ARHGEF3: variants seen among roughly 807,000 people sequenced by gnomAD.
The protein encoded by ARHGEF3 is Rho guanine nucleotide exchange factor 3.
ARHGEF3 carries 28 observed loss-of-function variants against 63.2 expected under a neutral mutation model. That is an observed-to-expected ratio of 0.44 (90% CI 0.33 to 0.61). The LOEUF is 0.61. ARHGEF3 is among the 20% of genes least tolerant of loss of function. ARHGEF3 has a pLI of 0.03. For synonymous variants in ARHGEF3, 266 were observed against 254.2 expected, an observed-to-expected ratio of 1.05 and a Z score of -0.44; for missense variants, 533 against 659.3, an observed-to-expected ratio of 0.81 and a Z score of 2.10.
At chr3:56,787,675 C>T (rs2036888616) in intron 1 of ARHGEF3, among the ~76,000 whole-genome samples, 1 of 152,008 alleles carries the variant, frequency 6.6e-6, no homozygotes, top group South Asian at 2.1e-4. Flanking sequence ...AAAACTTTCC[C>T]CGCCACCCCG....
At chr3:56,735,457 C>T (rs2033547405) in intron 8 of ARHGEF3, among the ~76,000 whole-genome samples, 1 of 152,072 alleles carries the variant, frequency 6.6e-6, no homozygotes, top group South Asian at 2.1e-4. Flanking sequence ...ACCCACAAGC[C>T]TCCCACCCCA....
intron 4 of ARHGEF3, among the ~76,000 whole-genome samples, chr3:56,880,646 T>TA (rs775662962): frequency 9.2e-5 from 14 of 152,194 alleles, no homozygotes; most frequent in Non-Finnish European, 1.6e-4. Flanking sequence ...GGGACTGGAA[T>TA]ACATACATGG....
At chr3:56,888,843 C>T (rs1417183672) in intron 3 of ARHGEF3, among the ~76,000 whole-genome samples, 1 of 151,636 alleles carries the variant, frequency 6.6e-6, no homozygotes, top group Non-Finnish European at 1.5e-5. Context: ...ACGGAGGTTG[C>T]GGTGAGCCGA....
chr3:56,795,655 C>CTCTCTTTTTTTT (rs57400467), intron 1 of ARHGEF3, among the ~76,000 whole-genome samples: 7 of 130,566 alleles, frequency 5.4e-5, no homozygotes, highest in East Asian at 5.3e-4. Context: ...GTCTCTCTCT[C>CTCTCTTTTTTTT]TTTTTTTTTT....
intron 4 of ARHGEF3, among the ~76,000 whole-genome samples, chr3:56,808,449 G>T (rs138873634): frequency 6.8e-4 from 104 of 152,206 alleles, no homozygotes; most frequent in African/African-American, 2.2e-3. Flanking sequence ...AAGTAGCTGG[G>T]CGTAGTAGCA....
At chr3:57,016,741 A>G (rs1311477039) in intron 2 of ARHGEF3, among the ~76,000 whole-genome samples, 4 of 152,156 alleles carry the variant, frequency 2.6e-5, no homozygotes, top group Non-Finnish European at 5.9e-5. Flanking sequence ...GTTGGTGCAC[A>G]GTGTCCTTCA....
chr3:56,825,518 T>C (rs535227201), intron 4 of ARHGEF3, among the ~76,000 whole-genome samples: 1 of 150,946 alleles, frequency 6.6e-6, no homozygotes, highest in Admixed American at 6.8e-5. Flanking sequence ...TCTGACAAAT[T>C]CCATTTAGGA....
At chr3:56,737,162 G>C (rs778615090) in intron 8 of ARHGEF3, 23 bp downstream of exon 8, 1 of 1,603,640 alleles carries the variant, frequency 6.2e-7, no homozygotes, top group Non-Finnish European at 8.5e-7. Flanking sequence ...GGATAAGACT[G>C]CTTAAAGGGA....
intron 7 of ARHGEF3, among the ~76,000 whole-genome samples, chr3:56,742,670 G>GA (rs1046698890): frequency 4.7e-5 from 7 of 149,760 alleles, no homozygotes; most frequent in South Asian, 4.2e-4. Flanking sequence ...TCTGTAAAGG[G>GA]AAAAAAAAAA....
rs11306302 is a variant in ARHGEF3 at position 56,795,655 on chromosome 3, C to CTTTTTTTTTTTTTT, written c.96+6047_96+6048insAAAAAAAAAAAAAA. On this transcript the variant is annotated intron_variant, in intron 1 of 9. Transcript: ENST00000296315. ...TTAACTTGTGACACAGTCTCTCTCT[C>CTTTTTTTTTTTTTT]TTTTTTTTTTTTGAAGATGGACTCT... is the stretch of plus-strand genomic sequence containing the variant. Among the ~76,000 whole-genome samples, 382 of 130,514 alleles carry CTTTTTTTTTTTTTT rather than the reference C, an allele frequency of 2.9e-3. 9 individuals carry two copies. Among genetic ancestry groups the CTTTTTTTTTTTTTT allele is most frequent in the Middle Eastern group, 0.017 (4 of 232 alleles). The allele number at this position is 130,514 out of a possible 152,430, so 85.6% of individuals were successfully genotyped here.
At chr3:56,858,121 G>A (rs1023449143) in intron 4 of ARHGEF3, among the ~76,000 whole-genome samples, 1 of 151,952 alleles carries the variant, frequency 6.6e-6, no homozygotes, top group Admixed American at 6.6e-5. Flanking sequence ...GTGCATGTCT[G>A]TAGTCCCGGC....
chr3:56,800,385 G>C (rs1489706714), intron 1 of ARHGEF3, among the ~76,000 whole-genome samples: 1 of 152,190 alleles, frequency 6.6e-6, no homozygotes, highest in African/African-American at 2.4e-5. Flanking sequence ...AATGCCACTA[G>C]GGCCATCACA....
At chr3:56,916,384 C>G (rs771690871) in intron 3 of ARHGEF3, 1 of 1,532,994 alleles carries the variant, frequency 6.5e-7, no homozygotes, top group South Asian at 1.2e-5. Flanking sequence ...CGGCTCCTAA[C>G]TGCAGTGGAG....
intron 4 of ARHGEF3, among the ~76,000 whole-genome samples, chr3:56,832,377 G>A (rs2038960295): frequency 1.3e-5 from 2 of 152,150 alleles, no homozygotes; most frequent in Non-Finnish European, 2.9e-5. Flanking sequence ...TGTGAGGATT[G>A]TAACCAGGAA....
chr3:56,748,201 TA>T (rs895692637), intron 6 of ARHGEF3, among the ~76,000 whole-genome samples: 1 of 152,166 alleles, frequency 6.6e-6, no homozygotes, highest in Non-Finnish European at 1.5e-5. Context: ...TGCCAGCTAA[TA>T]TTTTTTTTGT....
At chr3:56,791,730 GC>G (rs1173597873) in intron 1 of ARHGEF3, among the ~76,000 whole-genome samples, 4 of 151,984 alleles carry the variant, frequency 2.6e-5, no homozygotes, top group Non-Finnish European at 5.9e-5. Flanking sequence ...CAACATTTGG[GC>G]CCTGCCTCCT....
At chr3:56,975,967 T>C (rs1701109356) in intron 2 of ARHGEF3, 1 of 233,272 alleles carries the variant, frequency 4.3e-6, no homozygotes, top group Non-Finnish European at 8.7e-6. Flanking sequence ...GTAATTTCAA[T>C]TTAAAACATT....
At chr3:56,893,116 C>T (rs1332135056) in intron 3 of ARHGEF3, among the ~76,000 whole-genome samples, 1 of 152,206 alleles carries the variant, frequency 6.6e-6, no homozygotes, top group Non-Finnish European at 1.5e-5. Context: ...GCCAAAATTC[C>T]ATTTCTTTAT....
Position 57,013,149 on chromosome 3 carries a change from G to A in ARHGEF3, c.62+21939C>T, listed in dbSNP as rs759010896. ...CCAGCCCGCCATGCCTGAGCCCCCC[G>A]CCCTGGCGGTGGGCTCCTGTGTCGC... On this transcript the variant is annotated intron_variant, in intron 2 of 12. Coordinates refer to the ARHGEF3 transcript ENST00000338458. 1.4e-4 allele frequency among the ~76,000 whole-genome samples: 22 copies of A among 152,188 alleles called. 1 individual carries two copies. Among genetic ancestry groups the A allele is most frequent in the Non-Finnish European group, 2.4e-4 (16 of 68,004 alleles).
Sources: allele counts gnomAD v4.1 joint callset (sites outside exome capture counted in the v4.1 genomes callset), GRCh38; gene constraint gnomAD v4.1.1; transcripts MANE v1.5; gene names NCBI Gene and HGNC (gene_info 2026-07-23, HGNC 2026-07-21).